Variants in SLC35F4 observed in about 807,000 individuals in gnomAD.
SLC35F4 encodes chromosome 14 open reading frame 36.
A neutral mutation model predicts 44.2 loss-of-function variants in SLC35F4; 24 were observed. That is an observed-to-expected ratio of 0.54 (90% CI 0.39 to 0.76). The LOEUF is 0.76. Ranked by LOEUF, SLC35F4 falls within the 30% of genes least tolerant of loss-of-function variation. The pLI, the probability that SLC35F4 is intolerant of heterozygous loss-of-function variation, is 0.00. For missense variants in SLC35F4, 562 were observed against 586.1 expected (o/e 0.96, Z 0.42); for synonymous variants, 238 against 223.6 (o/e 1.06, Z -0.57).
intron 1 of SLC35F4, among the ~76,000 whole-genome samples, chr14:57,963,300 G>A (rs1439916888): frequency 6.6e-6 from 1 of 152,168 alleles, no homozygotes; most frequent in Non-Finnish European, 1.5e-5. Flanking sequence ...CTCATGATGT[G>A]GCTTGCTGTC....
intron 1 of SLC35F4, among the ~76,000 whole-genome samples, chr14:57,949,579 T>TA (rs1184089226): frequency 2.0e-5 from 3 of 152,158 alleles, no homozygotes; most frequent in African/African-American, 7.2e-5. Flanking sequence ...AGTTGTTGCC[T>TA]AAATACCATG....
chr14:57,611,720 T>C (rs1406923059), intron 1 of SLC35F4, among the ~76,000 whole-genome samples: 1 of 152,002 alleles, frequency 6.6e-6, no homozygotes, highest in Non-Finnish European at 1.5e-5. Context: ...ATGAAAGTAG[T>C]TTCAGTAGAG....
chr14:57,785,887 T>C (rs1248881596), intron 1 of SLC35F4, among the ~76,000 whole-genome samples: 1 of 152,004 alleles, frequency 6.6e-6, no homozygotes, highest in Non-Finnish European at 1.5e-5. Context: ...CTGAACTTGG[T>C]AACAATTTGA....
chr14:57,650,124 G>T (rs544259436), intron 1 of SLC35F4, among the ~76,000 whole-genome samples: 1 of 151,884 alleles, frequency 6.6e-6, no homozygotes, highest in Non-Finnish European at 1.5e-5. Context: ...ATGTTGGAGC[G>T]CCCGAGGTCT....
intron 3 of SLC35F4, among the ~76,000 whole-genome samples, chr14:57,583,643 C>A (rs1469543782): frequency 6.6e-6 from 1 of 152,216 alleles, no homozygotes; most frequent in Non-Finnish European, 1.5e-5. Flanking sequence ...TCTCACCTGG[C>A]TCAACCTGTC....
At chr14:57,717,912 C>T (rs1044327906) in intron 1 of SLC35F4, among the ~76,000 whole-genome samples, 1 of 152,168 alleles carries the variant, frequency 6.6e-6, no homozygotes, top group African/African-American at 2.4e-5. Flanking sequence ...TTGTTATTGA[C>T]TATAGTCCTG....
chr14:57,662,965 C>T (rs2074187256), intron 1 of SLC35F4, among the ~76,000 whole-genome samples: 1 of 152,210 alleles, frequency 6.6e-6, no homozygotes, highest in African/African-American at 2.4e-5. Context: ...ACTAAAGCCA[C>T]AACTCCCAAT....
intron 1 of SLC35F4, among the ~76,000 whole-genome samples, chr14:57,938,687 T>G (rs1889860407): frequency 6.6e-6 from 1 of 152,178 alleles, no homozygotes; most frequent in Non-Finnish European, 1.5e-5. Flanking sequence ...AAATGCAGAT[T>G]CTGATTCAGT....
intron 1 of SLC35F4, among the ~76,000 whole-genome samples, chr14:57,883,428 C>T (rs1259206226): frequency 6.6e-6 from 1 of 152,166 alleles, no homozygotes; most frequent in African/African-American, 2.4e-5. Context: ...ACGAAGTTAA[C>T]ATAGAGCACC....
chr14:57,901,351 T>C (rs1888996916), intron 1 of SLC35F4, among the ~76,000 whole-genome samples: 1 of 152,150 alleles, frequency 6.6e-6, no homozygotes, highest in Non-Finnish European at 1.5e-5. Flanking sequence ...TAAAAAAGAA[T>C]GAGATCCTGT....
At chr14:57,666,221 T>C (rs2074303689) in intron 1 of SLC35F4, among the ~76,000 whole-genome samples, 1 of 152,220 alleles carries the variant, frequency 6.6e-6, no homozygotes, top group Non-Finnish European at 1.5e-5. Context: ...CATCACAGAA[T>C]CTGTACGCAT....
At chr14:57,775,894 T>A (rs2077476814) in intron 1 of SLC35F4, among the ~76,000 whole-genome samples, 2 of 152,290 alleles carry the variant, frequency 1.3e-5, no homozygotes, top group South Asian at 4.2e-4. Flanking sequence ...CTAAGGAAGC[T>A]AAGAATCACA....
chr14:57,925,725 G>A (rs1419030794), intron 1 of SLC35F4, among the ~76,000 whole-genome samples: 1 of 150,924 alleles, frequency 6.6e-6, no homozygotes, highest in Non-Finnish European at 1.5e-5. Flanking sequence ...CAAGTGTATA[G>A]ACATACCTGA....
rs565488850 is a variant in SLC35F4, at chr14:57,912,746, T to G, written n.282+69167A>C. Among the ~76,000 whole-genome samples the G allele has an allele frequency of 5.3e-5, 8 of 152,186 alleles. No homozygotes were observed. The East Asian group carries it at 1.5e-3, about 29-fold the overall frequency. Reference sequence around the variant, plus strand: ...TTTAGAATAATGTGAAATCTGCTGTTTTTGGATGAATAGGCTATAGATGTC... The same window carrying G: ...TTTAGAATAATGTGAAATCTGCTGTGTTTGGATGAATAGGCTATAGATGTC... On this transcript the variant is annotated intron_variant and non_coding_transcript_variant, in intron 1 of 1. Coordinates refer to the SLC35F4 transcript ENST00000556568.
chr14:57,703,663 C>G (rs1193211046), intron 1 of SLC35F4, among the ~76,000 whole-genome samples: 1 of 152,170 alleles, frequency 6.6e-6, no homozygotes, highest in Non-Finnish European at 1.5e-5. Flanking sequence ...GGATGCTAAA[C>G]TTGACATAAT....
At chr14:57,693,766 G>A (rs1283146014) in intron 1 of SLC35F4, among the ~76,000 whole-genome samples, 1 of 151,846 alleles carries the variant, frequency 6.6e-6, no homozygotes, top group African/African-American at 2.4e-5. Flanking sequence ...ACTGAGTTAG[G>A]GTCTCCCCGA....
At chr14:57,667,020 C>A (rs1353964853) in intron 1 of SLC35F4, among the ~76,000 whole-genome samples, 5 of 151,256 alleles carry the variant, frequency 3.3e-5, no homozygotes, top group African/African-American at 1.2e-4. Flanking sequence ...GAAGCGTGGG[C>A]AAAGGCATCA....
At chr14:57,604,549 C>A (rs1293930172) in intron 1 of SLC35F4, among the ~76,000 whole-genome samples, 1 of 152,096 alleles carries the variant, frequency 6.6e-6, no homozygotes, top group Non-Finnish European at 1.5e-5. Context: ...TTTATAGATT[C>A]AATGCTATTG....
At position 57,581,423 on chromosome 14, in the gene SLC35F4, G is replaced by T; in HGVS notation, c.598C>A (p.Arg200=). The change falls in exon 4 of 8, where the codon CGG becomes AGG. Residue 200 remains arginine (R), a synonymous_variant. Transcript: ENST00000556826. Reference sequence around the variant, plus strand: ...GTCAGACCATCTTCACCAAAAATCCGACTGCATTCCCTAGGAAAGAAAAGA... The same window carrying T: ...GTCAGACCATCTTCACCAAAAATCCTACTGCATTCCCTAGGAAAGAAAAGA... ...SPMKKFRECS[R]IFGEDGLTLK... 6.2e-7 allele frequency: 1 copy of T among 1,609,406 alleles called. No homozygotes were observed. Among genetic ancestry groups the T allele is most frequent in the South Asian group, 1.1e-5 (1 of 89,940 alleles).
Sources: allele counts gnomAD v4.1 joint callset (sites outside exome capture counted in the v4.1 genomes callset), GRCh38; gene constraint gnomAD v4.1.1; transcripts MANE v1.5; gene names NCBI Gene and HGNC (gene_info 2026-07-23, HGNC 2026-07-21).